Variants in WNT3A observed in about 807,000 individuals in gnomAD.
WNT3A encodes the protein protein Wnt-3a.
Under a neutral mutation model 37.0 loss-of-function variants are expected in WNT3A, and 17 were observed. That is an observed-to-expected ratio of 0.46 (90% CI 0.31 to 0.69). The LOEUF is 0.69. WNT3A is among the 30% of genes least tolerant of loss of function. WNT3A has a pLI of 0.05. For synonymous variants in WNT3A, 187 were observed against 211.0 expected (o/e 0.89, Z 0.99); for missense variants, 411 against 510.2 (o/e 0.81, Z 1.87).
At position 228,038,563 on chromosome 1, in the gene WNT3A, C is replaced by T. The variant is rs1395473639; in HGVS notation, c.314-12093C>T. Among the ~76,000 whole-genome samples, 4 of 152,210 alleles carry T rather than the reference C, an allele frequency of 2.6e-5. No homozygotes were observed. Among genetic ancestry groups the T allele is most frequent in the South Asian group, 4.1e-4 (2 of 4,834 alleles). The stretch of plus-strand genomic sequence containing the variant: ...TCCTAGCTGGGATCCAAGGCACCCC[C>T]CTCACTCAGCCAGCCCCTTCCAGCA... On this transcript the variant is annotated intron_variant, in intron 2 of 3. Coordinates refer to ENST00000284523, the MANE Select transcript of WNT3A (RefSeq NM_033131.4). This position sits in a 1 kb window ranked among gnomAD's most constrained non-coding sequence, Gnocchi z 5.7.
chr1:228,019,161 G>C (rs1204225559), intron 1 of WNT3A, among the ~76,000 whole-genome samples: 1 of 152,218 alleles, frequency 6.6e-6, no homozygotes, highest in Non-Finnish European at 1.5e-5. Flanking sequence ...CCTGAGAATG[G>C]AGGCTTCAGA....
rs1306875492 is a variant in WNT3A at position 228,050,536 on chromosome 1, T to C, written c.314-120T>C. 2.3e-5 allele frequency: 30 copies of C among 1,304,962 alleles called. No homozygotes were observed. The highest frequency in any genetic ancestry group is 2.0e-5 in the Non-Finnish European group (20 of 977,892). The allele number at this position is 1,304,962 out of a possible 1,614,324, so 80.8% of individuals were successfully genotyped here. On this transcript the variant is annotated intron_variant, in intron 2 of 3. Coordinates refer to ENST00000284523, the MANE Select transcript of WNT3A (RefSeq NM_033131.4). The surrounding 1 kb of genome is among the most constrained non-coding windows in gnomAD (Gnocchi z 5.0). ...GAACCAAGTAAGCCTCTTTGCCTTATACACCACCCAACCTCACGAGTTCCT... is the reference window on the plus strand; with the variant it reads ...GAACCAAGTAAGCCTCTTTGCCTTACACACCACCCAACCTCACGAGTTCCT...
chr1:228,060,349 C>T lies in WNT3A; in HGVS notation c.*884C>T, dbSNP rs2031777732. 6.1e-6 allele frequency: 8 copies of T among 1,302,252 alleles called. No individual in the cohort carries two copies. The Admixed American group carries it at 7.7e-5, about 13-fold the overall frequency. The allele number at this position is 1,302,252 out of a possible 1,614,324, so 80.7% of individuals were successfully genotyped here. A position where few individuals can be genotyped will look rare whatever the true frequency, so the allele number is the denominator to read the frequency against. ...CCGTGCCCCTGGGATCCGAGGGCCCCTCTCCAAGCGCCTGGCTTTGGAATG... is the reference window on the plus strand; with the variant it reads ...CCGTGCCCCTGGGATCCGAGGGCCCTTCTCCAAGCGCCTGGCTTTGGAATG... On this transcript the variant is annotated 3_prime_UTR_variant, in exon 4 of 4. Coordinates refer to ENST00000284523, the MANE Select transcript of WNT3A (RefSeq NM_033131.4).
rs1197203366 is a variant in WNT3A at position 228,031,980 on chromosome 1, G to A, written c.313+9072G>A. On this transcript the variant is annotated intron_variant, in intron 2 of 3. Coordinates refer to ENST00000284523, the MANE Select transcript of WNT3A (RefSeq NM_033131.4). This position sits in a 1 kb window ranked among gnomAD's most constrained non-coding sequence, Gnocchi z 4.8. Reference sequence around the variant, plus strand: ...CCTGTCCTGCTTGGAGCCATACCAGGTGATGGAGGAAGGCTGTGCTGCATG... The same window carrying A: ...CCTGTCCTGCTTGGAGCCATACCAGATGATGGAGGAAGGCTGTGCTGCATG... Among the ~76,000 whole-genome samples, 1 of 152,176 alleles carries A rather than the reference G, an allele frequency of 6.6e-6. No homozygotes were observed. Among genetic ancestry groups the A allele is most frequent in the Non-Finnish European group, 1.5e-5 (1 of 68,032 alleles).
chr1:228,011,032 C>T (rs2030353817), intron 1 of WNT3A, among the ~76,000 whole-genome samples: 1 of 152,186 alleles, frequency 6.6e-6, no homozygotes, highest in African/African-American at 2.4e-5. Context: ...ACTGCACCAC[C>T]GCCAGGCACT....
rs2031200263 is a variant in WNT3A, at chr1:228,038,661, T to C, written c.314-11995T>C. On this transcript the variant is annotated intron_variant, in intron 2 of 3. Coordinates refer to ENST00000284523, the MANE Select transcript of WNT3A (RefSeq NM_033131.4). This position sits in a 1 kb window ranked among gnomAD's most constrained non-coding sequence, Gnocchi z 5.7. ...GACCCAATGCATTCGGGGTGGCCAC[T>C]GTCCCCACAACTCTATGGGTCCCAG... is the stretch of plus-strand genomic sequence containing the variant. 6.6e-6 allele frequency among the ~76,000 whole-genome samples: 1 copy of C among 152,186 alleles called. No individual in the cohort carries two copies.
chr1:228,057,706 A>T (rs2031708023), intron 3 of WNT3A, among the ~76,000 whole-genome samples: 1 of 152,222 alleles, frequency 6.6e-6, no homozygotes, highest in African/African-American at 2.4e-5. Flanking sequence ...GTCCAATAGA[A>T]ATAGAATGGG....
chr1:228,037,950 C>T lies in WNT3A; in HGVS notation c.314-12706C>T, dbSNP rs748872129. On this transcript the variant is annotated intron_variant, in intron 2 of 3. Coordinates refer to ENST00000284523, the MANE Select transcript of WNT3A (RefSeq NM_033131.4). This position sits in a 1 kb window ranked among gnomAD's most constrained non-coding sequence, Gnocchi z 4.1. ...GTTGCTATGACTGGCCTGCGCTCGC[C>T]TAATCACCGACTAGGGGGAAATTCA... Among the ~76,000 whole-genome samples, 2 of 152,214 alleles carry T rather than the reference C, an allele frequency of 1.3e-5. No individual in the cohort carries two copies. The highest frequency in any genetic ancestry group is 2.9e-5 in the Non-Finnish European group (2 of 68,030).
At position 228,042,590 on chromosome 1, in the gene WNT3A, G is replaced by T. The variant is rs531908760; in HGVS notation, c.314-8066G>T. Reference sequence around the variant, plus strand: ...GATGGTTGAATGGTGGATGGGTGATGAATTGATGATGGATGCATGATGAAT... The same window carrying T: ...GATGGTTGAATGGTGGATGGGTGATTAATTGATGATGGATGCATGATGAAT... On this transcript the variant is annotated intron_variant, in intron 2 of 3. Coordinates refer to ENST00000284523, the MANE Select transcript of WNT3A (RefSeq NM_033131.4). The surrounding 1 kb of genome is among the most constrained non-coding windows in gnomAD (Gnocchi z 5.2). Among the ~76,000 whole-genome samples, 1 of 152,130 alleles carries T rather than the reference G, an allele frequency of 6.6e-6. No individual in the cohort carries two copies. The highest frequency in any genetic ancestry group is 6.5e-5 in the Admixed American group (1 of 15,278).
At chr1:228,023,838 A>G (rs190264071) in intron 2 of WNT3A, among the ~76,000 whole-genome samples, 45 of 152,332 alleles carry the variant, frequency 3.0e-4, no homozygotes, top group Admixed American at 6.5e-4. Flanking sequence ...TCTCCCTTCC[A>G]TAGCCCCTGG....
intron 1 of WNT3A, among the ~76,000 whole-genome samples, chr1:228,017,658 G>C (rs1285805162): frequency 6.6e-6 from 1 of 152,212 alleles, no homozygotes; most frequent in African/African-American, 2.4e-5. Flanking sequence ...GGTCAACGCT[G>C]CAGTGAGCCC....
At position 228,008,282 on chromosome 1, in the gene WNT3A, C is replaced by G. The variant is rs182921029; in HGVS notation, c.71+1083C>G. 2.6e-5 allele frequency among the ~76,000 whole-genome samples: 4 copies of G among 152,236 alleles called. No individual in the cohort carries two copies. The highest frequency in any genetic ancestry group is 4.4e-5 in the Non-Finnish European group (3 of 68,046). ...CCCCACAAGCATGCACACTCCCCCC[C>G]ATCCTTCTCCGACGGCAGCCTGGAA... is the stretch of plus-strand genomic sequence containing the variant. On this transcript the variant is annotated intron_variant, in intron 1 of 3. Coordinates refer to ENST00000284523, the MANE Select transcript of WNT3A (RefSeq NM_033131.4). The surrounding 1 kb of genome is among the most constrained non-coding windows in gnomAD (Gnocchi z 4.9).
At chr1:228,009,465 C>T (rs1318115465) in intron 1 of WNT3A, among the ~76,000 whole-genome samples, 1 of 152,190 alleles carries the variant, frequency 6.6e-6, no homozygotes, top group Admixed American at 6.5e-5. Flanking sequence ...CTCCTCCTTT[C>T]TCCTGCCTCC....
At chr1:228,009,991 GAC>G (rs1425993497) in intron 1 of WNT3A, among the ~76,000 whole-genome samples, 1 of 152,224 alleles carries the variant, frequency 6.6e-6, no homozygotes, top group Non-Finnish European at 1.5e-5. Context: ...CTCATCCAGT[GAC>G]AGAGAGGAGA....
chr1:228,040,218 C>G (rs146883938), intron 2 of WNT3A, among the ~76,000 whole-genome samples: 4 of 152,210 alleles, frequency 2.6e-5, no homozygotes, highest in Admixed American at 2.6e-4. Context: ...GGGCTCTGCA[C>G]TCACTGCTGT....
rs546276500 is a variant in WNT3A at position 228,011,237 on chromosome 1, C to T, written c.71+4038C>T. Among the ~76,000 whole-genome samples, 7 of 113,626 alleles carry T rather than the reference C, an allele frequency of 6.2e-5. No homozygotes were observed. In the East Asian group the frequency reaches 8.8e-4, roughly 14 times the overall value. 74.5% of individuals were successfully genotyped at this position (113,626 alleles called of 152,430 possible). A position where few individuals can be genotyped will look rare whatever the true frequency, so the allele number is the denominator to read the frequency against. On this transcript the variant is annotated intron_variant, in intron 1 of 3. Coordinates refer to ENST00000284523, the MANE Select transcript of WNT3A (RefSeq NM_033131.4). ...GCAGGTGGCTGCAGCATGGGTGTTT[C>T]GGGGACTGAGAGGGGCCAGTCGAGC...
chr1:228,049,686 C>T lies in WNT3A; in HGVS notation c.314-970C>T, dbSNP rs74143630. ...CTACTCTTTGACTCTTTGATTGCAG[C>T]CATCCCCGTAGGTGTGAGGCGGCCC... On this transcript the variant is annotated intron_variant, in intron 2 of 3. Transcript: ENST00000284523. 9.5e-3 allele frequency among the ~76,000 whole-genome samples: 1,448 copies of T among 152,288 alleles called. 23 individuals carry two copies. The highest frequency in any genetic ancestry group is 0.033 in the African/African-American group (1,363 of 41,554).
rs149207132 is a variant in WNT3A at position 228,031,308 on chromosome 1, C to G, written c.313+8400C>G. 6.6e-6 allele frequency among the ~76,000 whole-genome samples: 1 copy of G among 152,248 alleles called. No individual in the cohort carries two copies. The highest frequency in any genetic ancestry group is 1.9e-4 in the East Asian group (1 of 5,178). ...CCTTCCTGTGATCTTGAGTGAGAGGCAGCTCACTTCCTGGAGCATCAGCCT... is the reference window on the plus strand; with the variant it reads ...CCTTCCTGTGATCTTGAGTGAGAGGGAGCTCACTTCCTGGAGCATCAGCCT... On this transcript the variant is annotated intron_variant, in intron 2 of 3. Transcript: ENST00000284523. The surrounding 1 kb of genome is among the most constrained non-coding windows in gnomAD (Gnocchi z 4.8).
chr1:228,029,524 T>C (rs1473127739), intron 2 of WNT3A, among the ~76,000 whole-genome samples: 1 of 152,018 alleles, frequency 6.6e-6, no homozygotes, highest in African/African-American at 2.4e-5. Context: ...GCTGGGAAAG[T>C]CCTCCCAGGG....
Sources: allele counts gnomAD v4.1 joint callset (sites outside exome capture counted in the v4.1 genomes callset), GRCh38; gene constraint gnomAD v4.1.1; non-coding constraint Gnocchi (gnomAD v3.1); transcripts MANE v1.5; gene names NCBI Gene and HGNC (gene_info 2026-07-23, HGNC 2026-07-21).